The following DIP2C variants were observed in gnomAD, a reference collection of about 807,000 sequenced individuals.
DIP2C encodes the protein disco-interacting protein 2 homolog C.
In DIP2C, 33 loss-of-function variants were observed where a neutral mutation model predicts 192.4. The observed-to-expected ratio is 0.17, with a 90% CI of 0.13 to 0.23. The LOEUF is 0.23. Among genes scored for constraint, DIP2C ranks in the 10% least tolerant of loss-of-function variants. DIP2C has a pLI of 1.00. For synonymous variants in DIP2C, 979 were observed against 864.1 expected, an observed-to-expected ratio of 1.13 and a Z score of -2.33; for missense variants, 1,537 against 2,110.1, an observed-to-expected ratio of 0.73 and a Z score of 5.32.
chr10:295,763 C>T (rs1221780439), intron 32 of DIP2C, among the ~76,000 whole-genome samples: 3 of 151,800 alleles, frequency 2.0e-5, no homozygotes, highest in Non-Finnish European at 4.4e-5. Flanking sequence ...ACACACATAC[C>T]CTTGGGAGGC....
chr10:539,291 A>T (rs567926801), intron 1 of DIP2C, among the ~76,000 whole-genome samples: 1 of 152,324 alleles, frequency 6.6e-6, no homozygotes, highest in Admixed American at 6.5e-5. Flanking sequence ...TGTGGATTCA[A>T]CCAACTATAG....
At chr10:603,298 CAAAAAAAAAAAAAAAAAAAAA>C (rs71376842) in intron 1 of DIP2C, among the ~76,000 whole-genome samples, 12 of 45,882 alleles carry the variant, frequency 2.6e-4, no homozygotes, top group South Asian at 2.9e-3. Context: ...GACTCCATCT[CAAAAAAAAAAAAAAAAAAAAA>C]AAAAAAAAAA....
chr10:371,242 G>T (rs971453933), intron 17 of DIP2C, among the ~76,000 whole-genome samples: 1 of 152,028 alleles, frequency 6.6e-6, no homozygotes, highest in African/African-American at 2.4e-5. Flanking sequence ...GATCAGCGTG[G>T]AAGTCAGGCA....
chr10:306,728 C>A (rs117948262), intron 32 of DIP2C, among the ~76,000 whole-genome samples: 1 of 152,214 alleles, frequency 6.6e-6, no homozygotes, highest in Non-Finnish European at 1.5e-5. Flanking sequence ...AGCCCTGGGC[C>A]GGTGGATCAG....
intron 1 of DIP2C, among the ~76,000 whole-genome samples, chr10:670,949 T>C (rs1017885668): frequency 6.6e-6 from 1 of 152,288 alleles, no homozygotes; most frequent in East Asian, 1.9e-4. Flanking sequence ...TGAAACCAGG[T>C]CTCATTTCAA....
chr10:549,003 C>A (rs918176526), intron 1 of DIP2C, among the ~76,000 whole-genome samples: 13 of 149,778 alleles, frequency 8.7e-5, no homozygotes, highest in Non-Finnish European at 1.8e-4. Context: ...TAGTCCAATC[C>A]CCCACCCTAA....
chr10:394,463 G>C (rs546623992), intron 10 of DIP2C, among the ~76,000 whole-genome samples: 1,599 of 151,826 alleles, frequency 0.011, 36 homozygotes, highest in African/African-American at 0.037. Flanking sequence ...GAGGAGGGAA[G>C]TCTGCCGTGT....
At chr10:669,392 C>G (rs1857308000) in intron 1 of DIP2C, 1 of 152,210 alleles carries the variant, frequency 6.6e-6, no homozygotes, top group Non-Finnish European at 1.5e-5. Context: ...GAATGCCTGA[C>G]TCCAGGGTTA....
At chr10:474,544 G>A (rs937852231) in intron 2 of DIP2C, among the ~76,000 whole-genome samples, 8 of 125,068 alleles carry the variant, frequency 6.4e-5, no homozygotes, top group African/African-American at 2.2e-4. Flanking sequence ...ACTGGGCCAC[G>A]CCTTTCTTCC....
At chr10:607,133 A>C (rs1253900956) in intron 1 of DIP2C, among the ~76,000 whole-genome samples, 4 of 152,160 alleles carry the variant, frequency 2.6e-5, no homozygotes, top group Non-Finnish European at 5.9e-5. Flanking sequence ...GCCAAGGAGG[A>C]TGGCCCTGAA....
intron 1 of DIP2C, among the ~76,000 whole-genome samples, chr10:649,140 T>A (rs1235001320): frequency 6.7e-6 from 1 of 148,962 alleles, no homozygotes; most frequent in Admixed American, 6.7e-5. Context: ...TTAGTCCACG[T>A]CCACAGTGGA....
intron 4 of DIP2C, among the ~76,000 whole-genome samples, chr10:437,034 C>T (rs1253955767): frequency 2.9e-5 from 4 of 135,872 alleles, no homozygotes; most frequent in Non-Finnish European, 4.7e-5. Flanking sequence ...CTCCGAGCTC[C>T]GCCTCCTGGA....
intron 3 of DIP2C, among the ~76,000 whole-genome samples, chr10:464,198 G>C (rs1970023909): frequency 6.6e-6 from 1 of 152,118 alleles, no homozygotes. Flanking sequence ...TACCATCAGA[G>C]TGAACAGGCA....
chr10:479,198 A>C (rs1014504266), intron 2 of DIP2C, among the ~76,000 whole-genome samples: 30 of 152,202 alleles, frequency 2.0e-4, no homozygotes, highest in African/African-American at 7.2e-4. Context: ...AGCAAACAGG[A>C]CAACTGTTGT....
At chr10:596,494 C>G (rs55715029) in intron 1 of DIP2C, among the ~76,000 whole-genome samples, 1 of 49,290 alleles carries the variant, frequency 2.0e-5, no homozygotes, top group African/African-American at 8.6e-5. Context: ...GAAACTCCAT[C>G]TCAAAAAAAA....
chr10:615,357 G>C (rs776989496), intron 1 of DIP2C, among the ~76,000 whole-genome samples: 1 of 152,116 alleles, frequency 6.6e-6, no homozygotes, highest in Non-Finnish European at 1.5e-5. Flanking sequence ...CTGGAAACTC[G>C]CAGCCACCCG....
chr10:371,962 G>C (rs981724480), intron 17 of DIP2C, among the ~76,000 whole-genome samples: 5 of 152,182 alleles, frequency 3.3e-5, no homozygotes, highest in South Asian at 2.1e-4. Flanking sequence ...CAAAATGCTA[G>C]GCTAGCCAAG....
intron 1 of DIP2C, among the ~76,000 whole-genome samples, chr10:572,203 C>T (rs973243971): frequency 2.0e-5 from 3 of 152,208 alleles, no homozygotes; most frequent in Admixed American, 6.5e-5. Flanking sequence ...TTCTAAGGAT[C>T]ACACGTGTGC....
chr10:550,816 G>C (rs1263105398), intron 1 of DIP2C, among the ~76,000 whole-genome samples: 1 of 152,236 alleles, frequency 6.6e-6, no homozygotes, highest in Non-Finnish European at 1.5e-5. Flanking sequence ...AGGGAAGCAA[G>C]AAGAGGGATG....
Sources: allele counts gnomAD v4.1 joint callset (sites outside exome capture counted in the v4.1 genomes callset), GRCh38; gene constraint gnomAD v4.1.1; transcripts MANE v1.5; gene names NCBI Gene and HGNC (gene_info 2026-07-23, HGNC 2026-07-21).